RALGAPA1: variants seen among roughly 807,000 people sequenced by gnomAD.
The protein encoded by RALGAPA1 is ral GTPase-activating protein subunit alpha-1.
Under a neutral mutation model 269.6 loss-of-function variants are expected in RALGAPA1, and 52 were observed. The observed-to-expected ratio is 0.19, with a 90% CI of 0.15 to 0.24. The LOEUF (loss-of-function observed/expected upper bound fraction) is 0.24, where lower values mean the gene tolerates loss of function less well. Ranked by LOEUF, RALGAPA1 falls within the 10% of genes least tolerant of loss-of-function variation. The pLI is 1.00. For missense variants in RALGAPA1, 1,917 were observed against 3,013.9 expected (o/e 0.64, Z 8.52); for synonymous variants, 817 against 1,008.3 (o/e 0.81, Z 3.60).
intron 41 of RALGAPA1, chr14:35,541,941 T>A (rs1490573323): frequency 9.8e-6 from 9 of 922,154 alleles, no homozygotes; most frequent in Non-Finnish European, 1.4e-5. Context: ...ATCAAGGTTT[T>A]TATTATGAAA....
At chr14:35,601,879 TCA>T (rs1368370479) in intron 36 of RALGAPA1, among the ~76,000 whole-genome samples, 1 of 152,162 alleles carries the variant, frequency 6.6e-6, no homozygotes, top group African/African-American at 2.4e-5. Context: ...TTCAGGATAT[TCA>T]CAGTTAAGTG....
chr14:35,712,828 T>C (rs1225359201), intron 16 of RALGAPA1, among the ~76,000 whole-genome samples: 1 of 152,190 alleles, frequency 6.6e-6, no homozygotes, highest in Non-Finnish European at 1.5e-5. Context: ...CGTGAGTTAA[T>C]GCACCCAGCC....
At chr14:35,773,595 G>A (rs1361408484) in intron 3 of RALGAPA1, among the ~76,000 whole-genome samples, 3 of 152,020 alleles carry the variant, frequency 2.0e-5, no homozygotes, top group African/African-American at 7.2e-5. Flanking sequence ...GTAAACATTT[G>A]AAGGAATACT....
At chr14:35,766,541 A>T in intron 4 of RALGAPA1, 1 of 993,914 alleles carries the variant, frequency 1.0e-6, no homozygotes, top group East Asian at 2.4e-5. Context: ...CAGAAGCAGC[A>T]TCGAGTATAG....
chr14:35,762,536 G>A (rs1043690596), intron 5 of RALGAPA1, among the ~76,000 whole-genome samples, 174 bp downstream of exon 5: 9 of 152,112 alleles, frequency 5.9e-5, no homozygotes, highest in East Asian at 1.9e-4. Context: ...GATTACAGGC[G>A]TGAGCCACTG....
chr14:35,781,896 G>A (rs2075460216), intron 1 of RALGAPA1, among the ~76,000 whole-genome samples: 1 of 152,086 alleles, frequency 6.6e-6, no homozygotes, highest in Admixed American at 6.5e-5. Flanking sequence ...AAGACTGAAA[G>A]CTTTACCCCT....
intron 41 of RALGAPA1, among the ~76,000 whole-genome samples, chr14:35,544,974 G>A (rs1802034159): frequency 1.3e-5 from 2 of 152,126 alleles, no homozygotes; most frequent in Non-Finnish European, 2.9e-5. Context: ...TTGAACCCGG[G>A]AGGTGGAGGT....
chr14:35,587,832 C>T (rs985782502), intron 37 of RALGAPA1, among the ~76,000 whole-genome samples: 2 of 151,922 alleles, frequency 1.3e-5, no homozygotes, highest in African/African-American at 4.8e-5. Context: ...CAAAGCTGCA[C>T]GTTGTGCACA....
At chr14:35,732,535 CATA>C (rs1330329799) in intron 12 of RALGAPA1, among the ~76,000 whole-genome samples, 4 of 152,012 alleles carry the variant, frequency 2.6e-5, no homozygotes, top group African/African-American at 9.7e-5. Flanking sequence ...GAAGGACTCG[CATA>C]AGTAAAGGGG....
chr14:35,744,312 G>A (rs945064161), intron 10 of RALGAPA1, among the ~76,000 whole-genome samples: 1 of 151,024 alleles, frequency 6.6e-6, no homozygotes, highest in African/African-American at 2.4e-5. Flanking sequence ...TGGAAGTTGC[G>A]GTAAGCTGAG....
intron 31 of RALGAPA1, among the ~76,000 whole-genome samples, chr14:35,650,186 AGAT>A (rs1366658176): frequency 2.0e-5 from 3 of 152,206 alleles, no homozygotes; most frequent in African/African-American, 7.2e-5. Flanking sequence ...GGCCTGGCCA[AGAT>A]GATGAGACCC....
intron 18 of RALGAPA1, among the ~76,000 whole-genome samples, chr14:35,687,736 G>A (rs2066079277): frequency 6.6e-6 from 1 of 152,150 alleles, no homozygotes; most frequent in Non-Finnish European, 1.5e-5. Flanking sequence ...TTTAAATCAT[G>A]AGTGGCTACT....
intron 19 of RALGAPA1, 142 bp from the exon 20 acceptor site, chr14:35,685,287 A>C: frequency 4.1e-6 from 3 of 734,950 alleles, no homozygotes; most frequent in East Asian, 2.7e-5. Flanking sequence ...TCACCAAACA[A>C]TCTATGTAAC....
chr14:35,638,279 T>C (rs1409329086), intron 31 of RALGAPA1, among the ~76,000 whole-genome samples: 1 of 152,090 alleles, frequency 6.6e-6, no homozygotes, highest in Non-Finnish European at 1.5e-5. Context: ...ACATGGACAG[T>C]ACAATAAGAT....
At chr14:35,758,177 G>A in intron 6 of RALGAPA1, among the ~76,000 whole-genome samples, 1 of 148,080 alleles carries the variant, frequency 6.8e-6, no homozygotes, top group African/African-American at 2.5e-5. Flanking sequence ...CTGGGTGGTG[G>A]AGGTTGCAGT....
intron 31 of RALGAPA1, among the ~76,000 whole-genome samples, chr14:35,639,767 G>A (rs951630599): frequency 6.6e-5 from 10 of 151,798 alleles, no homozygotes; most frequent in South Asian, 2.1e-4. Flanking sequence ...GTGAAACCCC[G>A]TCTCTACTAA....
At chr14:35,767,006 C>A in intron 4 of RALGAPA1, 1 of 361,940 alleles carries the variant, frequency 2.8e-6, no homozygotes, top group Non-Finnish European at 5.4e-6. Context: ...AGCCAGATGG[C>A]TTGAAAAACA....
intron 26 of RALGAPA1, among the ~76,000 whole-genome samples, chr14:35,669,755 A>C (rs6571726): frequency 6.6e-6 from 1 of 151,958 alleles, no homozygotes; most frequent in Non-Finnish European, 1.5e-5. Flanking sequence ...TACTTCTCCA[A>C]ATCCCCAGCA....
intron 39 of RALGAPA1, among the ~76,000 whole-genome samples, chr14:35,553,408 A>G (rs896956819): frequency 6.6e-6 from 1 of 152,220 alleles, no homozygotes; most frequent in African/African-American, 2.4e-5. Context: ...ATGCAGTATC[A>G]AGTATTTCAA....
Sources: allele counts gnomAD v4.1 joint callset (sites outside exome capture counted in the v4.1 genomes callset), GRCh38; gene constraint gnomAD v4.1.1; transcripts MANE v1.5; gene names NCBI Gene and HGNC (gene_info 2026-07-23, HGNC 2026-07-21).